The following IL1RAPL1 variants were observed in gnomAD, a reference collection of about 807,000 sequenced individuals.
IL1RAPL1 encodes interleukin 1 receptor accessory protein like 1, also known as interleukin-1 receptor accessory protein-like 1.
Under a neutral mutation model 48.4 loss-of-function variants are expected in IL1RAPL1, and 3 were observed. The ratio of observed to expected loss-of-function variants is 0.06; its 90% CI spans 0.03 to 0.16. The LOEUF is 0.16. Ranked by LOEUF, IL1RAPL1 falls within the 10% of genes least tolerant of loss-of-function variation. The probability of loss-of-function intolerance (pLI) is 1.00; values close to 1 mark genes in which losing one functional copy is unlikely to be tolerated. For missense variants in IL1RAPL1, 349 were observed against 530.6 expected (o/e 0.66, Z 3.36); for synonymous variants, 185 against 187.7 (o/e 0.99, Z 0.12).
intron 6 of IL1RAPL1, among the ~76,000 whole-genome samples, chrX:29,797,486 T>G (rs758195783): frequency 1.2e-4 from 14 of 112,108 alleles, no homozygotes; most frequent in Non-Finnish European, 2.3e-4. Context: ...GGCCCCCTCA[T>G]CCTTCTGTTT....
chrX:29,358,946 G>A (rs1933340654), intron 3 of IL1RAPL1, among the ~76,000 whole-genome samples: 1 of 109,246 alleles, frequency 9.2e-6, no homozygotes, highest in Non-Finnish European at 1.9e-5. Context: ...GTTTGAGGCT[G>A]GGAGGCAGAG....
chrX:28,609,525 G>T (rs1395403302), intron 1 of IL1RAPL1, among the ~76,000 whole-genome samples: 1 of 105,534 alleles, frequency 9.5e-6, no homozygotes, highest in Non-Finnish European at 1.9e-5. Flanking sequence ...AAGAGGGTTA[G>T]CCTGGCAGGC....
At chrX:28,853,344 T>C (rs1206271352) in intron 2 of IL1RAPL1, among the ~76,000 whole-genome samples, 1 of 111,721 alleles carries the variant, frequency 9.0e-6, no homozygotes, top group African/African-American at 3.2e-5. Context: ...TCCAACCCCA[T>C]TGAAGTTATC....
intron 6 of IL1RAPL1, among the ~76,000 whole-genome samples, chrX:29,832,834 A>G (rs1184774077): frequency 9.1e-6 from 1 of 109,746 alleles, no homozygotes; most frequent in Non-Finnish European, 1.9e-5. Flanking sequence ...TTTACCTGTA[A>G]TAAATATCTG....
chrX:29,252,188 C>T (rs1476542737), intron 2 of IL1RAPL1, among the ~76,000 whole-genome samples: 2 of 112,039 alleles, frequency 1.8e-5, no homozygotes, highest in African/African-American at 3.3e-5. Context: ...GTGGGTGCAG[C>T]ACACCAGCAT....
At chrX:29,182,108 C>T (rs981688803) in intron 2 of IL1RAPL1, among the ~76,000 whole-genome samples, 1 of 109,760 alleles carries the variant, frequency 9.1e-6, no homozygotes, top group Non-Finnish European at 1.9e-5. Context: ...AGCCTTGCCC[C>T]CCCCCACCCC....
chrX:29,642,156 G>A lies in IL1RAPL1; in HGVS notation c.704-26274G>A, dbSNP rs180925285. 7.8e-4 allele frequency among the ~76,000 whole-genome samples: 88 copies of A among 112,571 alleles called. 1 individual carries two copies. Among genetic ancestry groups the A allele is most frequent in the Non-Finnish European group, 1.4e-3 (77 of 53,308 alleles). On this transcript the variant is annotated intron_variant, in intron 5 of 10. Transcript: ENST00000378993. The stretch of plus-strand genomic sequence containing the variant: ...CACTTTCAGGATAACCGTAATGTTT[G>A]CAACTCATCTTCTGTGTCTCCCCCA...
chrX:29,006,213 G>C (rs1311460871), intron 2 of IL1RAPL1, among the ~76,000 whole-genome samples: 1 of 110,864 alleles, frequency 9.0e-6, no homozygotes, highest in Non-Finnish European at 1.9e-5. Flanking sequence ...TTACATTTTT[G>C]TAAGTGATTC....
chrX:29,766,327 C>CAAAAAAAAAAAA lies in IL1RAPL1; in HGVS notation c.778+97828_778+97839dup, dbSNP rs1220003136. 5.5e-4 allele frequency among the ~76,000 whole-genome samples: 14 copies of CAAAAAAAAAAAA among 25,615 alleles called. 1 individual carries two copies. Among genetic ancestry groups the CAAAAAAAAAAAA allele is most frequent in the African/African-American group, 3.0e-3 (14 of 4,738 alleles). 22.2% of individuals were successfully genotyped at this position (25,615 alleles called of 115,157 possible). ...TGGGAGACAGAGTGAGACTCCGTCT[C>CAAAAAAAAAAAA]AAAAAAAAAAAAAAAATATATATAT... On this transcript the variant is annotated intron_variant, in intron 6 of 10. Transcript: ENST00000378993.
intron 1 of IL1RAPL1, among the ~76,000 whole-genome samples, chrX:28,611,564 C>T (rs1601833988): frequency 8.9e-6 from 1 of 112,646 alleles, no homozygotes; most frequent in East Asian, 2.8e-4. Context: ...TAAATCATGC[C>T]ACAAATTATG....
chrX:28,741,243 T>C (rs1408637816), intron 1 of IL1RAPL1, among the ~76,000 whole-genome samples: 2 of 111,899 alleles, frequency 1.8e-5, no homozygotes, highest in Admixed American at 9.5e-5. Context: ...CTGATGGGTG[T>C]GAGATGTTAT....
intron 6 of IL1RAPL1, among the ~76,000 whole-genome samples, chrX:29,795,859 C>G (rs932142895): frequency 4.4e-5 from 5 of 112,780 alleles, no homozygotes; most frequent in Non-Finnish European, 9.4e-5. Context: ...TCTGCCTCTG[C>G]CCAAAGGGGA....
chrX:29,110,529 G>GT (rs1928541589), intron 2 of IL1RAPL1, among the ~76,000 whole-genome samples: 1 of 111,751 alleles, frequency 8.9e-6, no homozygotes, highest in Non-Finnish European at 1.9e-5. Flanking sequence ...TTTACGTATT[G>GT]TAAGGTGGTT....
At chrX:28,665,904 T>A (rs1054720293) in intron 1 of IL1RAPL1, among the ~76,000 whole-genome samples, 1 of 111,982 alleles carries the variant, frequency 8.9e-6, no homozygotes, top group Non-Finnish European at 1.9e-5. Flanking sequence ...GGAGGAAATG[T>A]GAAAAAACAG....
intron 3 of IL1RAPL1, among the ~76,000 whole-genome samples, chrX:29,334,192 C>T (rs1602178111): frequency 1.4e-5 from 1 of 73,517 alleles, no homozygotes; most frequent in Non-Finnish European, 2.6e-5. Flanking sequence ...GCCGGCCGGG[C>T]GGGGGGCTGA....
chrX:28,893,229 G>A (rs1240762777), intron 2 of IL1RAPL1, among the ~76,000 whole-genome samples: 1 of 111,730 alleles, frequency 9.0e-6, no homozygotes, highest in Non-Finnish European at 1.9e-5. Context: ...GTACCTTGTA[G>A]CATTCTGAGG....
chrX:28,661,450 T>G (rs755394869), intron 1 of IL1RAPL1, among the ~76,000 whole-genome samples: 1 of 111,721 alleles, frequency 9.0e-6, no homozygotes, highest in Non-Finnish European at 1.9e-5. Context: ...TAGTGGGAAT[T>G]TGTTATGTTA....
At chrX:29,526,422 A>G (rs1289742522) in intron 5 of IL1RAPL1, among the ~76,000 whole-genome samples, 2 of 111,836 alleles carry the variant, frequency 1.8e-5, no homozygotes, top group Non-Finnish European at 3.8e-5. Context: ...ATGAAATTAG[A>G]AAAGATAAAT....
In IL1RAPL1 at chrX:29,360,824, A is replaced by C. The variant is rs754518535; in HGVS notation, c.363-35434A>C. Among the ~76,000 whole-genome samples the C allele has an allele frequency of 5.4e-5, 6 of 111,972 alleles. No homozygotes were observed. The South Asian group carries it at 2.2e-3, about 41-fold the overall frequency. ...TATTTAGTGAATATGTGGAATTACT[A>C]TACATTTATTATTAATTTGTACATC... is the stretch of plus-strand genomic sequence containing the variant. On this transcript the variant is annotated intron_variant, in intron 3 of 10. Coordinates refer to ENST00000378993, the MANE Select transcript of IL1RAPL1 (RefSeq NM_014271.4).
Sources: gnomAD v4.1 joint callset for allele counts (sites outside exome capture counted in the v4.1 genomes callset) on GRCh38, gnomAD v4.1.1 for gene constraint, MANE v1.5 for transcripts, NCBI Gene and HGNC (gene_info 2026-07-23, HGNC 2026-07-21) for gene names.